ADGRG2: variants seen among roughly 807,000 people sequenced by gnomAD.
ADGRG2 encodes the protein G protein-coupled receptor 64.
Under a neutral mutation model 74.1 loss-of-function variants are expected in ADGRG2, and 26 were observed. The ratio of observed to expected loss-of-function variants is 0.35; its 90% CI spans 0.26 to 0.49. The LOEUF (loss-of-function observed/expected upper bound fraction) is 0.49, where lower values mean the gene tolerates loss of function less well. Ranked by LOEUF, ADGRG2 falls within the 20% of genes least tolerant of loss-of-function variation. The pLI is 0.99. For missense variants in ADGRG2, 619 were observed against 763.1 expected (o/e 0.81, Z 2.22); for synonymous variants, 296 against 295.2 (o/e 1.00, Z -0.03).
intron 28 of ADGRG2, among the ~76,000 whole-genome samples, chrX:18,992,876 A>T (rs2148077369): frequency 8.9e-6 from 1 of 112,155 alleles, no homozygotes; most frequent in African/African-American, 3.2e-5. Flanking sequence ...GTGAGGCTTC[A>T]TCTCTGAGCT....
chrX:18,998,970 T>A (rs2060073142), intron 26 of ADGRG2, 26 bp downstream of exon 26: 1 of 1,119,648 alleles, frequency 8.9e-7, no homozygotes, highest in Non-Finnish European at 1.2e-6. Flanking sequence ...GATCATTCAG[T>A]TTGTATTTGA....
At position 19,026,785 on chromosome X, in the gene ADGRG2, C is replaced by T. The variant is rs144593618; in HGVS notation, c.470+434G>A. On this transcript the variant is annotated intron_variant, in intron 11 of 28. Coordinates refer to ENST00000379869, the MANE Select transcript of ADGRG2 (RefSeq NM_001079858.3). ...TGCTGGGATTACAGGGGTTAGCCAC[C>T]GCACCCGGCCAAGGGGCATCTGTTT... Among the ~76,000 whole-genome samples the T allele has an allele frequency of 8.5e-3, 949 of 111,225 alleles. 10 individuals are homozygous for T. The highest frequency in any genetic ancestry group is 0.029 in the African/African-American group (889 of 30,583).
intron 3 of ADGRG2, among the ~76,000 whole-genome samples, chrX:19,060,025 G>A (rs1384277657): frequency 1.8e-5 from 2 of 111,956 alleles, no homozygotes; most frequent in East Asian, 2.8e-4. Flanking sequence ...CCAGCTACTC[G>A]GGAGGCTGAG....
At chrX:19,056,369 G>C (rs1891738251) in intron 3 of ADGRG2, among the ~76,000 whole-genome samples, 1 of 111,783 alleles carries the variant, frequency 8.9e-6, no homozygotes, top group African/African-American at 3.3e-5. Context: ...GCATGAACCC[G>C]AGGAGGAGAA....
intron 13 of ADGRG2, among the ~76,000 whole-genome samples, chrX:19,023,013 C>G (rs1015579023): frequency 2.7e-5 from 3 of 112,154 alleles, no homozygotes; most frequent in Non-Finnish European, 3.8e-5. Context: ...TTTTCTCTTT[C>G]TTTCCAATCT....
intron 2 of ADGRG2, among the ~76,000 whole-genome samples, chrX:19,076,994 C>T (rs1025544997): frequency 9.0e-6 from 1 of 111,479 alleles, no homozygotes; most frequent in Non-Finnish European, 1.9e-5. Context: ...ATTATCTTTA[C>T]ACATTGAAAA....
At chrX:19,010,907 T>C (rs2060343087) in intron 16 of ADGRG2, 129 bp from the exon 17 acceptor site, 1 of 420,985 alleles carries the variant, frequency 2.4e-6, no homozygotes, top group South Asian at 5.9e-5. Flanking sequence ...TACAAACATA[T>C]GTCTTAGGAA....
intron 3 of ADGRG2, among the ~76,000 whole-genome samples, chrX:19,067,639 A>G (rs2061589292): frequency 8.9e-6 from 1 of 112,408 alleles, no homozygotes; most frequent in Admixed American, 9.4e-5. Flanking sequence ...AAAAATAAAT[A>G]GACTACATAA....
chrX:19,085,842 C>T (rs2061927160), intron 1 of ADGRG2, among the ~76,000 whole-genome samples: 2 of 111,128 alleles, frequency 1.8e-5, no homozygotes, highest in South Asian at 3.9e-4. Flanking sequence ...CTCCATCAAG[C>T]TCAGTGGGTG....
intron 14 of ADGRG2, among the ~76,000 whole-genome samples, chrX:19,020,525 G>A (rs749955835): frequency 9.9e-5 from 11 of 111,596 alleles, no homozygotes; most frequent in Non-Finnish European, 1.7e-4. Flanking sequence ...CCTAGATGAT[G>A]GGTTGATAGG....
chrX:19,110,997 G>A (rs1471028306), intron 1 of ADGRG2, among the ~76,000 whole-genome samples: 3 of 111,833 alleles, frequency 2.7e-5, no homozygotes, highest in East Asian at 2.8e-4. Context: ...GACGGAGAAG[G>A]ATGGAAGTAT....
chrX:18,994,225 C>T (rs1369995890), intron 28 of ADGRG2, among the ~76,000 whole-genome samples: 1 of 112,154 alleles, frequency 8.9e-6, no homozygotes, highest in Admixed American at 9.4e-5. Flanking sequence ...CGCGGTGGCT[C>T]ACACCTGTAA....
Position 19,005,995 on chromosome X carries a change from A to G in ADGRG2, c.1839+7T>C, listed in dbSNP as rs1260346974. ...GAATTTAAGGCCACGTGGCACAGGCATATTACCAGCAGAACGCCGAAGCTT... is the reference window on the plus strand; with the variant it reads ...GAATTTAAGGCCACGTGGCACAGGCGTATTACCAGCAGAACGCCGAAGCTT... On this transcript the variant is annotated splice_region_variant and intron_variant, in intron 22 of 28. Transcript: ENST00000379869. The G allele has an allele frequency of 2.6e-6, 3 of 1,148,320 alleles. No individual in the cohort carries two copies. The South Asian group carries it at 5.4e-5, about 21-fold the overall frequency. The allele number at this position is 1,148,320 out of a possible 1,213,427, so 94.6% of individuals were successfully genotyped here. A position where few individuals can be genotyped will look rare whatever the true frequency, so the allele number is the denominator to read the frequency against.
rs1271508231 is a variant in ADGRG2, at chrX:18,989,816, T to C, written c.*1048A>G. The C allele has an allele frequency of 8.9e-6, 1 of 112,264 alleles. No individual in the cohort carries two copies. Among genetic ancestry groups the C allele is most frequent in the Non-Finnish European group, 1.9e-5 (1 of 53,162 alleles). 9.3% of individuals were successfully genotyped at this position (112,264 alleles called of 1,213,427 possible). A position where few individuals can be genotyped will look rare whatever the true frequency, so the allele number is the denominator to read the frequency against. Reference sequence around the variant, plus strand: ...AACGGCAATATGATTTTTTTCCATATATATGTACCTTTTTAAGAGAAGGAA... The same window carrying C: ...AACGGCAATATGATTTTTTTCCATACATATGTACCTTTTTAAGAGAAGGAA... On this transcript the variant is annotated 3_prime_UTR_variant, in exon 29 of 29. Transcript: ENST00000379869.
chrX:19,012,348 T>C (rs1288535286), intron 16 of ADGRG2, among the ~76,000 whole-genome samples: 1 of 111,366 alleles, frequency 9.0e-6, no homozygotes, highest in Non-Finnish European at 1.9e-5. Context: ...AGGCTGAGTC[T>C]AGGGATCACT....
At chrX:19,035,731 T>A in intron 7 of ADGRG2, 1 of 308,192 alleles carries the variant, frequency 3.2e-6, no homozygotes. Context: ...TTAAATGGAG[T>A]GCTATGGCCA....
chrX:19,016,233 T>C (rs148105796), intron 15 of ADGRG2, among the ~76,000 whole-genome samples: 1,333 of 112,322 alleles, frequency 0.012, 22 homozygotes, highest in African/African-American at 0.04. Flanking sequence ...GAATTTTATA[T>C]ATAATCACCA....
intron 7 of ADGRG2, 64 bp from the exon 8 acceptor site, chrX:19,033,718 A>G (rs762298783): frequency 2.3e-5 from 12 of 523,006 alleles, no homozygotes; most frequent in Admixed American, 6.2e-5. Flanking sequence ...ACAATTTGCC[A>G]TGAGTATCAT....
intron 3 of ADGRG2, among the ~76,000 whole-genome samples, chrX:19,048,905 G>A (rs369583524): frequency 8.9e-6 from 1 of 112,030 alleles, no homozygotes; most frequent in Admixed American, 9.4e-5. Flanking sequence ...TGGGGAAAGC[G>A]GGAGGCCGAC....
Sources: gnomAD v4.1 joint callset for allele counts (sites outside exome capture counted in the v4.1 genomes callset) on GRCh38, gnomAD v4.1.1 for gene constraint, MANE v1.5 for transcripts, NCBI Gene and HGNC (gene_info 2026-07-23, HGNC 2026-07-21) for gene names.